The following PLCE1 variants were observed in gnomAD, a reference collection of about 807,000 sequenced individuals.
PLCE1 encodes 1-phosphatidylinositol 4,5-bisphosphate phosphodiesterase epsilon-1.
A neutral mutation model predicts 242.8 loss-of-function variants in PLCE1; 119 were observed. The observed-to-expected ratio is 0.49, with a 90% CI of 0.42 to 0.57. PLCE1 has a LOEUF of 0.57. Among genes scored for constraint, PLCE1 ranks in the 20% least tolerant of loss-of-function variants. The pLI is 0.00. For missense variants in PLCE1, 2,441 were observed against 2,788.8 expected, an observed-to-expected ratio of 0.88 and a Z score of 2.81; for synonymous variants, 945 against 1,017.4, an observed-to-expected ratio of 0.93 and a Z score of 1.35.
chr10:94,046,303 G>A (rs117214140), intron 2 of PLCE1, among the ~76,000 whole-genome samples: 13 of 152,250 alleles, frequency 8.5e-5, no homozygotes, highest in Non-Finnish European at 1.9e-4. Context: ...GATATTTCCC[G>A]TTGTTCTTTT....
intron 4 of PLCE1, among the ~76,000 whole-genome samples, chr10:94,187,181 T>TGTGTGTGTGC (rs368426619): frequency 3.4e-5 from 5 of 149,154 alleles, no homozygotes; most frequent in Admixed American, 1.3e-4. Context: ...TGTGTGTGTG[T>TGTGTGTGTGC]GCGTGCACAC....
intron 7 of PLCE1, among the ~76,000 whole-genome samples, chr10:94,240,529 A>T (rs1210414054): frequency 6.6e-6 from 1 of 152,230 alleles, no homozygotes; most frequent in African/African-American, 2.4e-5. Flanking sequence ...AGCTGTGGCA[A>T]GTCCTTTGGA....
At chr10:94,140,145 C>G (rs1346444150) in intron 3 of PLCE1, among the ~76,000 whole-genome samples, 1 of 151,890 alleles carries the variant, frequency 6.6e-6, no homozygotes, top group African/African-American at 2.4e-5. Flanking sequence ...TGTCTGTAGA[C>G]TATATTTAGC....
intron 22 of PLCE1, among the ~76,000 whole-genome samples, chr10:94,286,543 C>A (rs912085754): frequency 2.6e-5 from 4 of 152,166 alleles, no homozygotes; most frequent in South Asian, 2.1e-4. Flanking sequence ...TAAAAAAAAT[C>A]ATATTATTTA....
chr10:94,321,661 G>A (rs2053808465), intron 29 of PLCE1, among the ~76,000 whole-genome samples: 1 of 150,720 alleles, frequency 6.6e-6, no homozygotes, highest in Non-Finnish European at 1.5e-5. Context: ...CAGCTAATAG[G>A]AGCAGATAAA....
At chr10:94,325,219 G>A (rs754221512) in intron 32 of PLCE1, 115 bp downstream of exon 32, 15 of 788,540 alleles carry the variant, frequency 1.9e-5, no homozygotes, top group Middle Eastern at 3.5e-4. Flanking sequence ...GTCCCTTGAA[G>A]GCAGGTAGGA....
Position 94,099,160 on chromosome 10 carries a change from G to A in PLCE1, c.1207-33014G>A, listed in dbSNP as rs768189710. Among the ~76,000 whole-genome samples, 3 of 152,206 alleles carry A rather than the reference G, an allele frequency of 2.0e-5. No homozygotes were observed. The South Asian group carries it at 6.2e-4, about 32-fold the overall frequency. ...CTTGACTCTTAACAGCTGGGTGTTG[G>A]TGAACAAGTCACTTTATATTTCTGA... On this transcript the variant is annotated intron_variant, in intron 2 of 32. Transcript: ENST00000371380.
At position 93,994,086 on chromosome 10, in the gene PLCE1, G is replaced by A. The variant is rs573255713; in HGVS notation, c.-537G>A. Among the ~76,000 whole-genome samples, 167 of 151,942 alleles carry A rather than the reference G, an allele frequency of 1.1e-3. 1 individual carries two copies. Among genetic ancestry groups the A allele is most frequent in the Admixed American group, 3.9e-3 (60 of 15,268 alleles). ...CTCTACCTCCCGGGCTCTGCCTCCC[G>A]GGCTCTGCCTCTCGGGCACTTGCCT... On this transcript the variant is annotated 5_prime_UTR_variant, in exon 1 of 33. Coordinates refer to ENST00000371380, the MANE Select transcript of PLCE1 (RefSeq NM_016341.4).
At chr10:94,089,471 C>G (rs1025144939) in intron 2 of PLCE1, 2 of 873,188 alleles carry the variant, frequency 2.3e-6, no homozygotes, top group African/African-American at 3.3e-5. Context: ...GCAGTGTTAG[C>G]CAAAATACAA....
intron 3 of PLCE1, among the ~76,000 whole-genome samples, chr10:94,141,504 GAAGGGAAGGTGAAGGGAAGGCT>G (rs749367709): frequency 0.41 from 40,355 of 97,992 alleles, 17,250 homozygotes; most frequent in Non-Finnish European, 0.49. Flanking sequence ...AAGGGAAGGC[GAAGGGAAGGTGAAGGGAAGGCT>G]AAGGGAAGGT....
At chr10:94,200,650 ACTTC>A (rs2048962027) in intron 4 of PLCE1, among the ~76,000 whole-genome samples, 1 of 152,132 alleles carries the variant, frequency 6.6e-6, no homozygotes, top group African/African-American at 2.4e-5. Context: ...ATGCATATTG[ACTTC>A]CTTCCAGGAA....
At chr10:94,235,763 G>A in intron 6 of PLCE1, 152 bp from the exon 7 acceptor site, 1 of 1,456,750 alleles carries the variant, frequency 6.9e-7, no homozygotes, top group Non-Finnish European at 9.0e-7. Flanking sequence ...GTGGTGAAAT[G>A]AAAAAATGTT....
At chr10:94,174,451 G>C (rs1272936838) in intron 4 of PLCE1, among the ~76,000 whole-genome samples, 1 of 152,154 alleles carries the variant, frequency 6.6e-6, no homozygotes, top group African/African-American at 2.4e-5. Flanking sequence ...AGTTTGATGA[G>C]AAATAGGACA....
chr10:94,228,049 G>A (rs781285251), intron 5 of PLCE1, among the ~76,000 whole-genome samples: 1 of 152,212 alleles, frequency 6.6e-6, no homozygotes, highest in Non-Finnish European at 1.5e-5. Context: ...GAGAAATTAA[G>A]TCATTCACCC....
chr10:94,046,082 T>A (rs1376254012), intron 2 of PLCE1, among the ~76,000 whole-genome samples: 1 of 152,234 alleles, frequency 6.6e-6, no homozygotes, highest in Non-Finnish European at 1.5e-5. Context: ...TTTAAGAAAC[T>A]GGCACATCTT....
chr10:94,062,903 A>G (rs935971912), intron 2 of PLCE1, among the ~76,000 whole-genome samples: 2 of 152,180 alleles, frequency 1.3e-5, no homozygotes, highest in Non-Finnish European at 2.9e-5. Context: ...TGATTCTATT[A>G]GCAGATCCCT....
chr10:94,312,745 T>C (rs2053425541), intron 27 of PLCE1, among the ~76,000 whole-genome samples: 1 of 152,208 alleles, frequency 6.6e-6, no homozygotes, highest in East Asian at 1.9e-4. Context: ...AAGCCTTCCA[T>C]AAATTATTTA....
At chr10:94,118,625 T>A (rs1197280183) in intron 2 of PLCE1, among the ~76,000 whole-genome samples, 1 of 152,226 alleles carries the variant, frequency 6.6e-6, no homozygotes, top group Non-Finnish European at 1.5e-5. Flanking sequence ...CTGCCATCCA[T>A]ATAAGATGTG....
chr10:94,033,413 A>G (rs1370818200), intron 2 of PLCE1, among the ~76,000 whole-genome samples: 1 of 152,096 alleles, frequency 6.6e-6, no homozygotes, highest in Non-Finnish European at 1.5e-5. Context: ...AATATCAATA[A>G]CATTTTAGGA....
Sources: allele counts gnomAD v4.1 joint callset (sites outside exome capture counted in the v4.1 genomes callset), GRCh38; gene constraint gnomAD v4.1.1; transcripts MANE v1.5; gene names NCBI Gene and HGNC (gene_info 2026-07-23, HGNC 2026-07-21).